The following SEMA3A variants were observed in gnomAD, a reference collection of about 807,000 sequenced individuals.
The protein encoded by SEMA3A is semaphorin-3A.
In SEMA3A, 29 loss-of-function variants were observed where a neutral mutation model predicts 97.9. The ratio of observed to expected loss-of-function variants is 0.30; its 90% confidence interval spans 0.22 to 0.40. The LOEUF is 0.40. Ranked by LOEUF, SEMA3A falls within the 10% of genes least tolerant of loss-of-function variation. The pLI is 1.00. For missense variants in SEMA3A, 763 were observed against 951.3 expected (o/e 0.80, Z 2.60); for synonymous variants, 321 against 323.7 (o/e 0.99, Z 0.09).
intron 1 of SEMA3A, among the ~76,000 whole-genome samples, chr7:84,405,594 T>C (rs2116229690): frequency 6.6e-6 from 1 of 152,270 alleles, no homozygotes; most frequent in Non-Finnish European, 1.5e-5. Flanking sequence ...GAATATGCAT[T>C]CTTTGCAGCA....
At chr7:84,165,805 C>T (rs536764224) in intron 1 of SEMA3A, among the ~76,000 whole-genome samples, 2 of 152,228 alleles carry the variant, frequency 1.3e-5, no homozygotes, top group African/African-American at 2.4e-5. Flanking sequence ...TGCCCACCTC[C>T]GCCTCCCAAA....
rs375173613 is a variant in SEMA3A, at chr7:84,007,364, G to A, written c.1129C>T (p.Arg377Trp). 2 of 1,600,368 alleles carry A rather than the reference G, an allele frequency of 1.2e-6. No homozygotes were observed. Among genetic ancestry groups the A allele is most frequent in the African/African-American group, 1.3e-5 (1 of 74,262 alleles). Residue 377 changes from arginine to tryptophan, a missense_variant, in exon 10 of 17, where the codon CGG becomes TGG. Transcript: ENST00000265362. ...VPYQGRVPYP[R>W]PGTCPSKTFG... ...CCTAAGCTACTTACAGTTCCTGGCC[G>A]TGGATAGGGGACTCTTCCTTGATAA... is the stretch of plus-strand genomic sequence containing the variant.
intron 5 of SEMA3A, among the ~76,000 whole-genome samples, chr7:84,051,959 T>C (rs1792678436): frequency 6.6e-6 from 1 of 150,794 alleles, no homozygotes; most frequent in African/African-American, 2.4e-5. Context: ...TCTGCATCTA[T>C]TGAGATAATC....
intron 12 of SEMA3A, among the ~76,000 whole-genome samples, chr7:83,995,154 A>T (rs531370238): frequency 6.6e-6 from 1 of 152,126 alleles, no homozygotes; most frequent in Non-Finnish European, 1.5e-5. Context: ...CAAGTGAGGC[A>T]ATGCCTCACC....
At chr7:84,026,342 C>A (rs578049437) in intron 6 of SEMA3A, among the ~76,000 whole-genome samples, 13 of 152,248 alleles carry the variant, frequency 8.5e-5, no homozygotes, top group Middle Eastern at 3.4e-3. Context: ...GCAATTACTA[C>A]CAATTCTCTA....
At chr7:84,313,916 T>C (rs957077958) in intron 2 of SEMA3A, among the ~76,000 whole-genome samples, 2 of 152,034 alleles carry the variant, frequency 1.3e-5, no homozygotes, top group African/African-American at 4.8e-5. Flanking sequence ...CTTTACATTA[T>C]CTGATAAGAA....
chr7:84,385,098 A>AC (rs1562928197), intron 1 of SEMA3A, among the ~76,000 whole-genome samples: 14 of 136,456 alleles, frequency 1.0e-4, no homozygotes, highest in Non-Finnish European at 2.0e-4. Context: ...CACACACACA[A>AC]ACACTCAATT....
At chr7:84,066,743 T>G (rs1334425855) in intron 4 of SEMA3A, among the ~76,000 whole-genome samples, 1 of 151,880 alleles carries the variant, frequency 6.6e-6, no homozygotes, top group Non-Finnish European at 1.5e-5. Context: ...CAAGGAGAAC[T>G]ACAAACCACT....
At chr7:84,344,130 T>C (rs556807976) in intron 2 of SEMA3A, among the ~76,000 whole-genome samples, 4 of 152,290 alleles carry the variant, frequency 2.6e-5, no homozygotes, top group African/African-American at 9.6e-5. Flanking sequence ...CAGAATATGG[T>C]TATTCCTGGC....
intron 4 of SEMA3A, among the ~76,000 whole-genome samples, chr7:84,066,794 A>G (rs973420562): frequency 6.6e-6 from 1 of 152,160 alleles, no homozygotes. Context: ...ATCGAAGAAC[A>G]TTCCATGCTC....
intron 1 of SEMA3A, among the ~76,000 whole-genome samples, chr7:84,486,483 T>C (rs1458722309): frequency 6.6e-6 from 1 of 152,214 alleles, no homozygotes; most frequent in Non-Finnish European, 1.5e-5. Context: ...ACCAAGCATA[T>C]TACGTGAAAC....
intron 1 of SEMA3A, among the ~76,000 whole-genome samples, chr7:84,374,551 GTGT>G (rs778369456): frequency 1.3e-5 from 2 of 152,278 alleles, no homozygotes; most frequent in East Asian, 3.9e-4. Context: ...TGGTTTATAG[GTGT>G]TGTGCTTATA....
intron 4 of SEMA3A, among the ~76,000 whole-genome samples, chr7:84,096,390 C>T (rs1794774134): frequency 6.6e-6 from 1 of 151,892 alleles, no homozygotes; most frequent in Admixed American, 6.6e-5. Flanking sequence ...GAAATTTTGG[C>T]CACAGCTTTT....
intron 1 of SEMA3A, among the ~76,000 whole-genome samples, chr7:84,388,916 A>G (rs1174901901): frequency 6.6e-6 from 1 of 152,068 alleles, no homozygotes; most frequent in African/African-American, 2.4e-5. Context: ...CAAAAGTATG[A>G]CATTTAATTG....
intron 4 of SEMA3A, among the ~76,000 whole-genome samples, chr7:84,091,175 A>G (rs11971110): frequency 0.18 from 8,853 of 49,770 alleles, 1,095 homozygotes; most frequent in African/African-American, 0.32. Context: ...AAGGAAAGAA[A>G]GAAAGAAAGA....
chr7:84,299,289 T>TCC (rs1800944123), intron 3 of SEMA3A, among the ~76,000 whole-genome samples: 1 of 125,284 alleles, frequency 8.0e-6, no homozygotes, highest in African/African-American at 3.3e-5. Flanking sequence ...TATATATATC[T>TCC]ATCTCCATAT....
chr7:84,256,594 A>T (rs1406338104), intron 3 of SEMA3A, among the ~76,000 whole-genome samples: 2 of 151,994 alleles, frequency 1.3e-5, no homozygotes, highest in Admixed American at 1.3e-4. Flanking sequence ...CTTACAACAC[A>T]CTCCAGGGTA....
chr7:84,345,295 G>C (rs933379577), intron 2 of SEMA3A, among the ~76,000 whole-genome samples: 40 of 152,278 alleles, frequency 2.6e-4, no homozygotes, highest in African/African-American at 9.1e-4. Flanking sequence ...TAATCTTTTT[G>C]TTGGTAGGAG....
At chr7:83,980,325 G>C (rs1789339448) in intron 14 of SEMA3A, among the ~76,000 whole-genome samples, 1 of 151,766 alleles carries the variant, frequency 6.6e-6, no homozygotes, top group Admixed American at 6.6e-5. Flanking sequence ...TATATATGCT[G>C]GGCGCAGTGG....
Sources: allele counts gnomAD v4.1 joint callset (sites outside exome capture counted in the v4.1 genomes callset), GRCh38; gene constraint gnomAD v4.1.1; transcripts MANE v1.5; gene names NCBI Gene and HGNC (gene_info 2026-07-23, HGNC 2026-07-21).